The following NXPE4 variants were observed in gnomAD, a reference collection of about 807,000 sequenced individuals.
NXPE4 encodes neurexophilin and PC-esterase domain family member 4, also known as NXPE family member 4.
A neutral mutation model predicts 33.3 loss-of-function variants in NXPE4; 42 were observed. That is an observed-to-expected ratio of 1.26 (90% CI 0.98 to 1.63). The LOEUF (loss-of-function observed/expected upper bound fraction) is 1.63. Ranked by LOEUF, NXPE4 falls within the 40% of genes most tolerant of loss-of-function variation. The probability of loss-of-function intolerance (pLI) is 0.00; values close to 1 mark genes in which losing one functional copy is unlikely to be tolerated. For synonymous variants in NXPE4, 253 were observed against 234.9 expected (o/e 1.08, Z -0.71); for missense variants, 709 against 647.6 (o/e 1.09, Z -1.03).
the NXPE4 span, among the ~76,000 whole-genome samples, chr11:114,655,347 T>C: frequency 6.6e-6 from 1 of 152,220 alleles, no homozygotes; most frequent in African/African-American, 2.4e-5. Flanking sequence ...CATTTGTCAA[T>C]TTTCACTTTT....
chr11:114,632,477 A>G, the NXPE4 span, among the ~76,000 whole-genome samples: 2 of 127,992 alleles, frequency 1.6e-5, no homozygotes, highest in Non-Finnish European at 1.6e-5. Flanking sequence ...TATATACTAT[A>G]TAATACTCCA....
the NXPE4 span, among the ~76,000 whole-genome samples, chr11:114,659,748 C>T: frequency 3.3e-5 from 5 of 152,158 alleles, no homozygotes; most frequent in African/African-American, 9.6e-5. Context: ...ATAAACTAAT[C>T]TTTCATGTTA....
the NXPE4 span, among the ~76,000 whole-genome samples, chr11:114,653,199 TTTA>T: frequency 3.3e-5 from 5 of 152,172 alleles, no homozygotes; most frequent in African/African-American, 1.2e-4. Flanking sequence ...AAACAAAACA[TTTA>T]TTATTCTAGA....
the NXPE4 span, among the ~76,000 whole-genome samples, chr11:114,609,552 G>A: frequency 6.7e-6 from 1 of 149,782 alleles, no homozygotes. Flanking sequence ...AATGGATAAT[G>A]AGTATTGCCT....
the NXPE4 span, among the ~76,000 whole-genome samples, chr11:114,659,409 G>A: frequency 1.4e-5 from 2 of 146,462 alleles, no homozygotes; most frequent in African/African-American, 5.0e-5. Flanking sequence ...GTGAGGATAG[G>A]TCAATGAAAA....
At position 114,571,216 on chromosome 11, in the gene NXPE4, T is replaced by A. The variant is rs376936520; in HGVS notation, c.1357A>T (p.Asn453Tyr). Residue 453 changes from asparagine to tyrosine, a missense_variant, in exon 6 of 6, where the codon AAT becomes TAT. Asn to Tyr is a moderately radical substitution (Grantham distance 143, BLOSUM62 -2). Transcript: ENST00000375478. ...AGATGCTGAATGGCTTTGTGGACAT[T>A]GAGGGCCCTTCGGATAAAAACATCA... Reference protein sequence around the residue: ...PIDVFIRRALNVHKAIQHLLL... With the variant: ...PIDVFIRRALYVHKAIQHLLL... 1.3e-4 allele frequency: 216 copies of A among 1,614,026 alleles called. No homozygotes were observed. The African/African-American group carries it at 1.9e-3, about 14-fold the overall frequency.
At chr11:114,579,587 C>A (rs185296032) in intron 5 of NXPE4, among the ~76,000 whole-genome samples, 42 of 152,242 alleles carry the variant, frequency 2.8e-4, no homozygotes, top group African/African-American at 7.7e-4. Context: ...GTAATGATAC[C>A]TTACACCAAA....
intron 5 of NXPE4, among the ~76,000 whole-genome samples, chr11:114,572,367 G>A (rs1451072357): frequency 6.6e-6 from 1 of 152,066 alleles, no homozygotes; most frequent in Non-Finnish European, 1.5e-5. Context: ...AAACCAAGAA[G>A]AAATCTCTGA....
intron 2 of NXPE4, among the ~76,000 whole-genome samples, chr11:114,592,497 G>A (rs1358205624): frequency 1.3e-5 from 2 of 151,542 alleles, no homozygotes; most frequent in African/African-American, 4.8e-5. Context: ...ACAAAACATT[G>A]ATGCAAGAAA....
intron 2 of NXPE4, among the ~76,000 whole-genome samples, chr11:114,594,420 C>T (rs1174893445): frequency 2.0e-5 from 3 of 152,110 alleles, no homozygotes; most frequent in Admixed American, 2.0e-4. Flanking sequence ...ATGAGCTAAG[C>T]ATTGAAGAAG....
At chr11:114,630,887 A>G in the NXPE4 span, among the ~76,000 whole-genome samples, 1 of 151,912 alleles carries the variant, frequency 6.6e-6, no homozygotes. Context: ...ACTTCTTAAA[A>G]GAAGACATTT....
At chr11:114,672,527 G>C in the NXPE4 span, among the ~76,000 whole-genome samples, 11,162 of 151,948 alleles carry the variant, frequency 0.073, 439 homozygotes, top group South Asian at 0.1. Flanking sequence ...GGCAGAAATT[G>C]CCAGACTGGT....
At chr11:114,632,676 T>C in the NXPE4 span, among the ~76,000 whole-genome samples, 5 of 57,686 alleles carry the variant, frequency 8.7e-5, no homozygotes, top group African/African-American at 5.2e-4. Context: ...GTATATATAT[T>C]TATATATATA....
chr11:114,614,703 C>G, the NXPE4 span, among the ~76,000 whole-genome samples: 2 of 151,076 alleles, frequency 1.3e-5, no homozygotes, highest in African/African-American at 2.4e-5. Flanking sequence ...ACCACTGTTA[C>G]CTGGTGGATA....
rs1288745483 is a variant in NXPE4 at position 114,582,919 on chromosome 11, C to T, written c.199G>A (p.Glu67Lys). 2.5e-6 allele frequency: 4 copies of T among 1,614,106 alleles called. No individual in the cohort carries two copies. Among genetic ancestry groups the T allele is most frequent in the Non-Finnish European group, 8.5e-7 (1 of 1,180,010 alleles). ...ATTTCCTTTATTCTGAGTTCAGTCT[C>T]TGTTAGTGGCTTTAATGATATCAGT... ...TPLISLKPLT[E>K]TELRIKEIIE... The change falls in exon 3 of 6, where the codon GAG becomes AAG. Residue 67 changes from glutamate (E) to lysine (K), a missense_variant. Transcript: ENST00000375478.
chr11:114,571,541 A>T, intron 5 of NXPE4, 68 bp from the exon 6 acceptor site: 1 of 1,348,942 alleles, frequency 7.4e-7, no homozygotes, highest in Non-Finnish European at 1.0e-6. Flanking sequence ...AGATATAAAG[A>T]TGGAAGAGAT....
At chr11:114,667,586 G>A in the NXPE4 span, among the ~76,000 whole-genome samples, 1 of 152,228 alleles carries the variant, frequency 6.6e-6, no homozygotes, top group East Asian at 1.9e-4. Context: ...ATGGCATTGT[G>A]ATTTCCTCCT....
the NXPE4 span, among the ~76,000 whole-genome samples, chr11:114,618,160 G>A: frequency 1.1e-4 from 16 of 151,396 alleles, no homozygotes; most frequent in South Asian, 1.3e-3. Context: ...GTATTGCCTC[G>A]TGGGTAACCA....
At chr11:114,600,370 T>C (rs1277216983), upstream of NXPE4, among the ~76,000 whole-genome samples, 1 of 152,144 alleles carries the variant, frequency 6.6e-6, no homozygotes, top group African/African-American at 2.4e-5. Context: ...TAGTTATACA[T>C]GAAATGACCC....
Sources: allele counts gnomAD v4.1 joint callset (sites outside exome capture counted in the v4.1 genomes callset), GRCh38; gene constraint gnomAD v4.1.1; transcripts MANE v1.5; gene names NCBI Gene and HGNC (gene_info 2026-07-23, HGNC 2026-07-21).